PCDH7: variants seen among roughly 807,000 people sequenced by gnomAD.
The protein encoded by PCDH7 is protocadherin-7.
A neutral mutation model predicts 58.9 loss-of-function variants in PCDH7; 17 were observed. The ratio of observed to expected loss-of-function variants is 0.29; its 90% CI spans 0.20 to 0.43. The LOEUF (loss-of-function observed/expected upper bound fraction) is 0.43. Ranked by LOEUF, PCDH7 falls within the 20% of genes least tolerant of loss-of-function variation. PCDH7 has a pLI of 1.00. For missense variants in PCDH7, 1,274 were observed against 1,441.0 expected (o/e 0.88, Z 1.88); for synonymous variants, 664 against 616.4 (o/e 1.08, Z -1.14).
chr4:30,723,499 A>G lies in PCDH7; in HGVS notation c.2077A>G (p.Thr693Ala). The G allele has an allele frequency of 6.2e-7, 1 of 1,614,100 alleles. No homozygotes were observed. Among genetic ancestry groups the G allele is most frequent in the South Asian group, 1.1e-5 (1 of 91,080 alleles). ...TTTTTCTATTGAAAATGACACGGGG[A>G]CCATTTACTCCACAATGTCTTTTGA... The change falls in exon 1 of 2, where the codon ACC (threonine) becomes GCC (alanine). Residue 693 changes from threonine (T) to alanine (A), a missense_variant. Around this residue, in one of 3 missense-constraint regions of PCDH7, gnomAD observed 731 missense variants for 881.9 expected, o/e 0.83. Transcript: ENST00000361762. The surrounding 1 kb of genome is among the most constrained non-coding windows in gnomAD (Gnocchi z 4.6).
At chr4:31,000,846 A>G (rs571199954) in intron 3 of PCDH7, among the ~76,000 whole-genome samples, 51 of 152,226 alleles carry the variant, frequency 3.4e-4, no homozygotes, top group African/African-American at 1.2e-3. Flanking sequence ...AATGGTGACA[A>G]AATGGAGGAG....
At chr4:31,118,024 G>T (rs9996642) in intron 3 of PCDH7, among the ~76,000 whole-genome samples, 85,202 of 152,070 alleles carry the variant, frequency 0.56, 27,303 homozygotes, top group African/African-American at 0.88. Context: ...ACTTCTATAC[G>T]TATTCCCTTT....
At chr4:30,997,296 CAT>C (rs535369066) in intron 3 of PCDH7, among the ~76,000 whole-genome samples, 37 of 152,050 alleles carry the variant, frequency 2.4e-4, no homozygotes, top group Admixed American at 5.2e-4. Context: ...TTAATAATAA[CAT>C]GTGATATGGC....
Position 30,721,870 on chromosome 4 carries a change from C to A in PCDH7, c.448C>A (p.Leu150Ile). 6.2e-7 allele frequency: 1 copy of A among 1,603,332 alleles called. No homozygotes were observed. The highest frequency in any genetic ancestry group is 1.7e-4 in the Middle Eastern group (1 of 6,050). Reference sequence around the variant, plus strand: ...CACCTTCCCGTCGCCCGTGCTCACGCTCACGGTGGAGGAGAATCGGCCGGT... The same window carrying A: ...CACCTTCCCGTCGCCCGTGCTCACGATCACGGTGGAGGAGAATCGGCCGGT... The change falls in exon 1 of 2, where the codon CTC becomes ATC. Residue 150 changes from leucine (L) to isoleucine (I), a missense_variant. Physicochemically the swap from Leu to Ile is conservative, Grantham distance 5. Transcript: ENST00000361762. The surrounding 1 kb of genome is among the most constrained non-coding windows in gnomAD (Gnocchi z 6.7).
chr4:30,732,645 G>A (rs532419997), exon 2 of PCDH7: 100 of 152,106 alleles, frequency 6.6e-4, no homozygotes, highest in African/African-American at 2.4e-3. Flanking sequence ...TGTTTCAGTT[G>A]TGTTTGTGTG....
chr4:30,927,002 T>C (rs1743956083), intron 2 of PCDH7, among the ~76,000 whole-genome samples: 1 of 152,290 alleles, frequency 6.6e-6, no homozygotes, highest in East Asian at 1.9e-4. Flanking sequence ...TACCCTTTTA[T>C]TCTAATTTGG....
At chr4:30,778,591 C>A (rs1329961808) in intron 1 of PCDH7, among the ~76,000 whole-genome samples, 2 of 152,062 alleles carry the variant, frequency 1.3e-5, no homozygotes, top group Admixed American at 1.3e-4. Context: ...AGAAACTTTA[C>A]TACAAAGAAT....
chr4:31,016,914 T>G (rs913282758), intron 3 of PCDH7, among the ~76,000 whole-genome samples: 1 of 149,822 alleles, frequency 6.7e-6, no homozygotes, highest in African/African-American at 2.5e-5. Flanking sequence ...GTGTGTGCTG[T>G]GTGTGTGTAC....
chr4:31,126,798 G>A lies in PCDH7; in HGVS notation c.*8-15675G>A, dbSNP rs375516894. Among the ~76,000 whole-genome samples the A allele has an allele frequency of 1.8e-4, 27 of 152,258 alleles. 1 individual carries two copies. In the South Asian group the frequency reaches 5.6e-3, roughly 32 times the overall value. The stretch of plus-strand genomic sequence containing the variant: ...ATAAATTTTAAGTGTGCCATTTAAA[G>A]GAAAACTCTCTTTAGTGATGATTTC... On this transcript the variant is annotated intron_variant, in intron 3 of 3. Transcript: ENST00000509759.
intron 1 of PCDH7, among the ~76,000 whole-genome samples, chr4:30,793,325 T>G (rs948886616): frequency 2.0e-5 from 3 of 152,216 alleles, no homozygotes; most frequent in Non-Finnish European, 4.4e-5. Flanking sequence ...TCTTGTCATT[T>G]GAGATTAACA....
At chr4:31,041,726 G>A (rs1755884511) in intron 3 of PCDH7, among the ~76,000 whole-genome samples, 1 of 152,062 alleles carries the variant, frequency 6.6e-6, no homozygotes, top group Non-Finnish European at 1.5e-5. Context: ...ATTTGTTTAT[G>A]TAGCGTTTTC....
intron 1 of PCDH7, among the ~76,000 whole-genome samples, chr4:30,891,319 G>A (rs1489854848): frequency 6.6e-6 from 1 of 152,034 alleles, no homozygotes; most frequent in African/African-American, 2.4e-5. Flanking sequence ...TTCATTAAAT[G>A]GACTGAAAGT....
chr4:30,856,024 A>G lies in PCDH7; in HGVS notation c.71-64129A>G, dbSNP rs1420090450. On this transcript the variant is annotated intron_variant, in intron 1 of 3. Coordinates refer to the PCDH7 transcript ENST00000509759. ...ACCAAGTAAGAACTTAACCCTCTTGATTTTTTTCCCTTGAACCCATTTTCT... is the reference window on the plus strand; with the variant it reads ...ACCAAGTAAGAACTTAACCCTCTTGGTTTTTTTCCCTTGAACCCATTTTCT... Among the ~76,000 whole-genome samples the G allele has an allele frequency of 3.9e-5, 6 of 151,952 alleles. No individual in the cohort carries two copies. In the South Asian group the frequency reaches 1.0e-3, roughly 26 times the overall value.
At chr4:31,095,226 T>A (rs534444379) in intron 3 of PCDH7, among the ~76,000 whole-genome samples, 1 of 152,210 alleles carries the variant, frequency 6.6e-6, no homozygotes, top group Non-Finnish European at 1.5e-5. Context: ...CTATGGTAGA[T>A]TTTGTAACTA....
chr4:30,874,719 G>GA (rs66970476), intron 1 of PCDH7, among the ~76,000 whole-genome samples: 1,676 of 133,136 alleles, frequency 0.013, 10 homozygotes, highest in Non-Finnish European at 0.018. Context: ...TAGTGAAATT[G>GA]AAAAAAAAAA....
chr4:30,897,042 C>A (rs924001889), intron 1 of PCDH7, among the ~76,000 whole-genome samples: 1 of 151,450 alleles, frequency 6.6e-6, no homozygotes, highest in Non-Finnish European at 1.5e-5. Flanking sequence ...GTAGCTGGGA[C>A]TACAGGCGCC....
intron 3 of PCDH7, among the ~76,000 whole-genome samples, chr4:31,091,638 T>C (rs909952716): frequency 1.3e-5 from 2 of 151,858 alleles, no homozygotes; most frequent in Non-Finnish European, 2.9e-5. Context: ...AGCATAAAAA[T>C]GAATTTGATG....
downstream of PCDH7, among the ~76,000 whole-genome samples, chr4:30,735,937 C>G (rs1450198803): frequency 6.6e-6 from 1 of 152,090 alleles, no homozygotes; most frequent in Non-Finnish European, 1.5e-5. Context: ...TGTTTTCAGG[C>G]TAGAAAATTC....
chr4:30,745,260 T>TA (rs1213209417), intron 1 of PCDH7, among the ~76,000 whole-genome samples: 1 of 151,656 alleles, frequency 6.6e-6, no homozygotes, highest in African/African-American at 2.4e-5. Flanking sequence ...TTTTTTTTTT[T>TA]ATGAATTGGT....
Sources: gnomAD v4.1 joint callset for allele counts (sites outside exome capture counted in the v4.1 genomes callset) on GRCh38, gnomAD v4.1.1 for gene constraint, gnomAD v4.1.1 regional missense constraint, Gnocchi (gnomAD v3.1) non-coding constraint, MANE v1.5 for transcripts, NCBI Gene and HGNC (gene_info 2026-07-23, HGNC 2026-07-21) for gene names.